The following CELF4 variants were observed in gnomAD, a reference collection of about 807,000 sequenced individuals.
The protein encoded by CELF4 is CUG-BP- and ETR-3-like factor 4.
Under a neutral mutation model 59.9 loss-of-function variants are expected in CELF4, and 18 were observed. That is an observed-to-expected ratio of 0.30 (90% CI 0.21 to 0.45). The LOEUF is 0.45. CELF4 is among the 20% of genes least tolerant of loss of function. The pLI is 1.00. For synonymous variants in CELF4, 261 were observed against 267.1 expected (o/e 0.98, Z 0.22); for missense variants, 456 against 689.0 (o/e 0.66, Z 3.79).
At chr18:37,319,399 G>A (rs2097001942) in intron 3 of CELF4, among the ~76,000 whole-genome samples, 1 of 152,234 alleles carries the variant, frequency 6.6e-6, no homozygotes, top group Non-Finnish European at 1.5e-5. Flanking sequence ...CTCCATTGGT[G>A]TGAGGAGGTG....
chr18:37,463,304 C>G (rs796164924), intron 2 of CELF4, among the ~76,000 whole-genome samples: 5 of 152,276 alleles, frequency 3.3e-5, no homozygotes, highest in African/African-American at 1.2e-4. Context: ...CTGGCTGCAG[C>G]AGGTCAGAGA....
At chr18:37,360,216 C>G (rs2861221) in intron 2 of CELF4, among the ~76,000 whole-genome samples, 29,294 of 152,074 alleles carry the variant, frequency 0.19, 3,075 homozygotes, top group East Asian at 0.32. Context: ...CTGAAGTCCT[C>G]TTTGCAATCT....
At chr18:37,286,959 C>T (rs1251548959) in intron 3 of CELF4, among the ~76,000 whole-genome samples, 1 of 152,148 alleles carries the variant, frequency 6.6e-6, no homozygotes, top group East Asian at 1.9e-4. Context: ...TATGTGCCTC[C>T]AGAGCCCAAG....
chr18:37,548,642 C>T (rs1017116570), intron 1 of CELF4, among the ~76,000 whole-genome samples: 8 of 152,176 alleles, frequency 5.3e-5, no homozygotes, highest in African/African-American at 1.9e-4. Context: ...TGACCCTGGA[C>T]ATTTTAACTT....
chr18:37,439,319 A>G (rs1320847416), intron 2 of CELF4, among the ~76,000 whole-genome samples: 2 of 152,328 alleles, frequency 1.3e-5, no homozygotes, highest in African/African-American at 4.8e-5. Context: ...CTCAGTGTCC[A>G]TGAAAGTGGG....
At chr18:37,469,715 G>A (rs1452263737) in intron 2 of CELF4, among the ~76,000 whole-genome samples, 2 of 152,214 alleles carry the variant, frequency 1.3e-5, no homozygotes, top group Non-Finnish European at 2.9e-5. Context: ...GAACCTCTGG[G>A]CAGGAGTGAG....
intron 2 of CELF4, among the ~76,000 whole-genome samples, chr18:37,356,010 C>T (rs1485358792): frequency 6.6e-6 from 1 of 152,074 alleles, no homozygotes; most frequent in African/African-American, 2.4e-5. Context: ...CAGCCCAGCA[C>T]AGCCCAGCCC....
chr18:37,509,912 G>T (rs928542452), intron 1 of CELF4, among the ~76,000 whole-genome samples: 2 of 152,164 alleles, frequency 1.3e-5, no homozygotes, highest in African/African-American at 4.8e-5. Context: ...GACACAAGAG[G>T]TCACATATTA....
At chr18:37,473,132 G>A (rs1009397439) in intron 2 of CELF4, among the ~76,000 whole-genome samples, 1 of 152,142 alleles carries the variant, frequency 6.6e-6, no homozygotes, top group Non-Finnish European at 1.5e-5. Flanking sequence ...TGCTATCCCT[G>A]GTCCCCTCCT....
chr18:37,441,945 A>C (rs1187730176), intron 2 of CELF4, among the ~76,000 whole-genome samples: 1 of 151,414 alleles, frequency 6.6e-6, no homozygotes, highest in Non-Finnish European at 1.5e-5. Flanking sequence ...CAAAGACCCT[A>C]GATGACACCG....
chr18:37,337,301 C>CTTGAGATT, intron 2 of CELF4, among the ~76,000 whole-genome samples: 1 of 152,262 alleles, frequency 6.6e-6, no homozygotes, highest in Admixed American at 6.5e-5. Context: ...AGCCTCACAC[C>CTTGAGATT]CTCCCCTTGA....
intron 2 of CELF4, among the ~76,000 whole-genome samples, chr18:37,432,939 G>A (rs1185934366): frequency 6.6e-6 from 1 of 152,194 alleles, no homozygotes; most frequent in Non-Finnish European, 1.5e-5. Flanking sequence ...AAGTGAGCTT[G>A]CAGTACCAGC....
At chr18:37,332,239 C>T (rs2097569605) in intron 2 of CELF4, among the ~76,000 whole-genome samples, 1 of 152,146 alleles carries the variant, frequency 6.6e-6, no homozygotes, top group African/African-American at 2.4e-5. Context: ...ACCCCTCACT[C>T]CAGTCCAAGC....
At chr18:37,314,553 T>C (rs1017750301) in intron 3 of CELF4, among the ~76,000 whole-genome samples, 3 of 152,172 alleles carry the variant, frequency 2.0e-5, no homozygotes, top group Non-Finnish European at 4.4e-5. Context: ...GGGAGGAAGA[T>C]GAGCAATTCT....
chr18:37,550,084 G>GGGC (rs2099982677), intron 1 of CELF4, among the ~76,000 whole-genome samples: 1 of 58,796 alleles, frequency 1.7e-5, no homozygotes, highest in Non-Finnish European at 2.9e-5. Flanking sequence ...TCCAATGGGT[G>GGGC]GGGGGGGGGG....
chr18:37,551,182 A>G (rs1404273430), intron 1 of CELF4, among the ~76,000 whole-genome samples: 1 of 152,130 alleles, frequency 6.6e-6, no homozygotes, highest in African/African-American at 2.4e-5. Flanking sequence ...CTCCAGCTCT[A>G]TGACTGAGCC....
At position 37,259,009 on chromosome 18, in the gene CELF4, CT is replaced by C. The variant is rs1353090876; in HGVS notation, c.1333+171del. 33 of 937,240 alleles carry C rather than the reference CT, an allele frequency of 3.5e-5. No individual in the cohort carries two copies. In the East Asian group the frequency reaches 8.8e-4, roughly 25 times the overall value. The allele number at this position is 937,240 out of a possible 1,614,324, so 58.1% of individuals were successfully genotyped here. ...GAGGCTGGTGAGGGCCATGGAGCAGCTGGGGCGGGGGCAATGTGAAGGAGCA... is the reference window on the plus strand; with the variant it reads ...GAGGCTGGTGAGGGCCATGGAGCAGCGGGGCGGGGGCAATGTGAAGGAGCA... On this transcript the variant is annotated intron_variant, in intron 11 of 12. Coordinates refer to ENST00000420428, the MANE Select transcript of CELF4 (RefSeq NM_020180.4).
chr18:37,337,333 C>T (rs1233893695), intron 2 of CELF4, among the ~76,000 whole-genome samples: 1 of 152,174 alleles, frequency 6.6e-6, no homozygotes, highest in Non-Finnish European at 1.5e-5. Flanking sequence ...TCTTCAGAGC[C>T]ACCTGAGGGC....
intron 2 of CELF4, among the ~76,000 whole-genome samples, chr18:37,343,995 G>A (rs78195875): frequency 0.054 from 8,165 of 152,130 alleles, 724 homozygotes; most frequent in African/African-American, 0.19. Context: ...AGAGACTTCT[G>A]TCTAAGAAGC....
Sources: gnomAD v4.1 joint callset for allele counts (sites outside exome capture counted in the v4.1 genomes callset) on GRCh38, gnomAD v4.1.1 for gene constraint, MANE v1.5 for transcripts, NCBI Gene and HGNC (gene_info 2026-07-23, HGNC 2026-07-21) for gene names.